KCNA1: variants seen among roughly 807,000 people sequenced by gnomAD.
The protein encoded by KCNA1 is potassium channel, voltage gated shaker related subfamily A, member 1.
In KCNA1, 19 loss-of-function variants were observed where a neutral mutation model predicts 28.8. The observed-to-expected ratio is 0.66, with a 90% CI of 0.46 to 0.97. The LOEUF is 0.97. KCNA1 is among the 50% of genes least tolerant of loss of function. The pLI, the probability that KCNA1 is intolerant of heterozygous loss-of-function variation, is 0.00. For synonymous variants in KCNA1, 311 were observed against 268.8 expected (o/e 1.16, Z -1.53); for missense variants, 419 against 659.7 (o/e 0.64, Z 4.00).
Position 4,912,356 on chromosome 12 carries a change from A to G in KCNA1, c.978A>G (p.Leu326=). The change falls in exon 2 of 2, where the codon CTA becomes CTG. Residue 326 remains leucine (L), a synonymous_variant. Transcript: ENST00000382545. ...CCCTCAAAGCTAGTATGAGAGAGCT[A>G]GGGCTGCTCATCTTTTTCCTCTTCA... ...GQTLKASMRE[L]GLLIFFLFIG... 1 of 1,613,926 alleles carries G rather than the reference A, an allele frequency of 6.2e-7. No individual in the cohort carries two copies. Among genetic ancestry groups the G allele is most frequent in the Non-Finnish European group, 8.5e-7 (1 of 1,179,998 alleles).
Position 4,909,964 on chromosome 12 carries a change from G to T in KCNA1, c.-1048G>T, listed in dbSNP as rs375367750. The T allele has an allele frequency of 6.5e-6, 1 of 152,710 alleles. No individual in the cohort carries two copies. The allele number at this position is 152,710 out of a possible 1,614,324, so 9.5% of individuals were successfully genotyped here. ...CCCTGCTCCACTCCAAGCTCCTAAGGGCTCCTGGCGCGCCGCGTAGCCTTG... is the reference window on the plus strand; with the variant it reads ...CCCTGCTCCACTCCAAGCTCCTAAGTGCTCCTGGCGCGCCGCGTAGCCTTG... On this transcript the variant is annotated 5_prime_UTR_variant, in exon 1 of 2. Transcript: ENST00000382545.
In KCNA1 at chr12:4,915,716, G is replaced by T. The variant is rs763945925; in HGVS notation, c.*2850G>T. The T allele has an allele frequency of 6.0e-6, 1 of 167,042 alleles. No individual in the cohort carries two copies. Among genetic ancestry groups the T allele is most frequent in the East Asian group, 1.9e-4 (1 of 5,202 alleles). 10.3% of individuals were successfully genotyped at this position (167,042 alleles called of 1,614,324 possible). On this transcript the variant is annotated 3_prime_UTR_variant, in exon 2 of 2. Transcript: ENST00000382545. The stretch of plus-strand genomic sequence containing the variant: ...GGTTATCTTGATCTTTCATTTCAAC[G>T]TTGAGGTCTAGTGCACACAGAACTT...
In KCNA1 at chr12:4,912,261, C is replaced by G. The variant is rs1366571577; in HGVS notation, c.883C>G (p.Arg295Gly). 1 of 1,612,756 alleles carries G rather than the reference C, an allele frequency of 6.2e-7. No individual in the cohort carries two copies. The highest frequency in any genetic ancestry group is 1.1e-5 in the South Asian group (1 of 90,952). ...CTCCCTGGCCATCCTCAGGGTCATC[C>G]GCTTGGTAAGGGTTTTTAGAATCTT... ...ATSLAILRVI[R>G]LVRVFRIFKL... Residue 295 changes from arginine (R) to glycine (G), a missense_variant, in exon 2 of 2, where the codon CGC becomes GGC. Arg to Gly is a moderately radical substitution (Grantham distance 125). Coordinates refer to ENST00000382545, the MANE Select transcript of KCNA1 (RefSeq NM_000217.3).
chr12:4,911,157 A>G lies in KCNA1; in HGVS notation c.-222A>G. On this transcript the variant is annotated 5_prime_UTR_variant, in exon 2 of 2. Coordinates refer to ENST00000382545, the MANE Select transcript of KCNA1 (RefSeq NM_000217.3). The surrounding 1 kb of genome is among the most constrained non-coding windows in gnomAD (Gnocchi z 6.6). Reference sequence around the variant, plus strand: ...AAAAGCTGCACCCGGCCCGCAGGCGAGGGGGATTCCAAACTGAGTGAAAGG... The same window carrying G: ...AAAAGCTGCACCCGGCCCGCAGGCGGGGGGGATTCCAAACTGAGTGAAAGG... 1 of 599,000 alleles carries G rather than the reference A, an allele frequency of 1.7e-6. No individual in the cohort carries two copies. The highest frequency in any genetic ancestry group is 2.8e-5 in the East Asian group (1 of 36,096). 37.1% of individuals were successfully genotyped at this position (599,000 alleles called of 1,614,324 possible). A position where few individuals can be genotyped will look rare whatever the true frequency, so the allele number is the denominator to read the frequency against.
At position 4,911,523 on chromosome 12, in the gene KCNA1, G is replaced by C. The variant is rs1384353122; in HGVS notation, c.145G>C (p.Glu49Gln). Residue 49 changes from glutamate (E) to glutamine (Q), a missense_variant, in exon 2 of 2, where the codon GAG (glutamate) becomes CAG (glutamine). This residue lies in a region of KCNA1 where 217 missense variants were observed against 329.6 expected (regional missense o/e 0.66). Transcript: ENST00000382545. The surrounding 1 kb of genome is among the most constrained non-coding windows in gnomAD (Gnocchi z 6.6). ...GATCAACATCTCCGGGCTGCGCTTC[G>C]AGACGCAGCTCAAGACCCTGGCGCA... Reference protein sequence around the residue: ...VVINISGLRFETQLKTLAQFP... With the variant: ...VVINISGLRFQTQLKTLAQFP... The C allele has an allele frequency of 3.1e-6, 5 of 1,614,056 alleles. No homozygotes were observed. Among genetic ancestry groups the C allele is most frequent in the Non-Finnish European group, 2.5e-6 (3 of 1,180,038 alleles).
rs1947385565 is a variant in KCNA1 at position 4,916,230 on chromosome 12, A to G, written c.*3364A>G. The G allele has an allele frequency of 6.0e-6, 1 of 167,074 alleles. No individual in the cohort carries two copies. The highest frequency in any genetic ancestry group is 6.5e-5 in the Admixed American group (1 of 15,290). 10.3% of individuals were successfully genotyped at this position (167,074 alleles called of 1,614,324 possible). A position where few individuals can be genotyped will look rare whatever the true frequency, so the allele number is the denominator to read the frequency against. On this transcript the variant is annotated 3_prime_UTR_variant, in exon 2 of 2. Coordinates refer to ENST00000382545, the MANE Select transcript of KCNA1 (RefSeq NM_000217.3). ...TTACCTTTTCTTCCCCTTCCTAGGC[A>G]TGGAGCTGTAACAGCTCATGTCCTG...
At position 4,916,293 on chromosome 12, in the gene KCNA1, T is replaced by C. The variant is rs1298480388; in HGVS notation, c.*3427T>C. The C allele has an allele frequency of 1.2e-5, 2 of 167,140 alleles. No homozygotes were observed. The highest frequency in any genetic ancestry group is 2.9e-5 in the Non-Finnish European group (2 of 68,136). The allele number at this position is 167,140 out of a possible 1,614,324, so 10.4% of individuals were successfully genotyped here. A position where few individuals can be genotyped will look rare whatever the true frequency, so the allele number is the denominator to read the frequency against. ...CTCCAGAAGGAGAAGACTTCTGATG[T>C]GCTGATAGCTATAATTCCTCTCTTC... On this transcript the variant is annotated 3_prime_UTR_variant, in exon 2 of 2. Transcript: ENST00000382545.
chr12:4,913,062 G>A lies in KCNA1; in HGVS notation c.*196G>A, dbSNP rs1032566799. 2 of 618,414 alleles carry A rather than the reference G, an allele frequency of 3.2e-6. No individual in the cohort carries two copies. Among genetic ancestry groups the A allele is most frequent in the African/African-American group, 3.7e-5 (2 of 53,836 alleles). The allele number at this position is 618,414 out of a possible 1,614,324, so 38.3% of individuals were successfully genotyped here. On this transcript the variant is annotated 3_prime_UTR_variant, in exon 2 of 2. Transcript: ENST00000382545. ...TGAACCAGAAGCTTTCAAGATCCATGACAAAATAAACTATTTTCCTTTTAT... is the reference window on the plus strand; with the variant it reads ...TGAACCAGAAGCTTTCAAGATCCATAACAAAATAAACTATTTTCCTTTTAT...
chr12:4,911,309 CCCCTGGT>C lies in KCNA1; in HGVS notation c.-63_-57del, dbSNP rs1947349441. The C allele has an allele frequency of 7.1e-7, 1 of 1,401,366 alleles. No individual in the cohort carries two copies. The highest frequency in any genetic ancestry group is 1.4e-5 in the African/African-American group (1 of 70,982). 86.8% of individuals were successfully genotyped at this position (1,401,366 alleles called of 1,614,324 possible). On this transcript the variant is annotated 5_prime_UTR_variant, in exon 2 of 2. Transcript: ENST00000382545. This position sits in a 1 kb window ranked among gnomAD's most constrained non-coding sequence, Gnocchi z 6.6. ...GGGGGGGCCGCTTGGGTCCCCCCCA[CCCCTGGT>C]CCCTGGCTGCTTCCCACCCCGGGCT... is the stretch of plus-strand genomic sequence containing the variant.
In KCNA1 at chr12:4,911,604, C is replaced by T; in HGVS notation, c.226C>T (p.Leu76=). ...PKKRMRYFDP[L]RNEYFFDRNR... ...GAAACGCATGCGCTACTTCGACCCC[C>T]TGAGGAACGAGTACTTCTTCGACCG... The change falls in exon 2 of 2, where the codon CTG becomes TTG. Residue 76 remains leucine, a synonymous_variant. Coordinates refer to ENST00000382545, the MANE Select transcript of KCNA1 (RefSeq NM_000217.3). The surrounding 1 kb of genome is among the most constrained non-coding windows in gnomAD (Gnocchi z 6.6). The T allele has an allele frequency of 6.2e-7, 1 of 1,614,218 alleles. No homozygotes were observed. Among genetic ancestry groups the T allele is most frequent in the East Asian group, 2.2e-5 (1 of 44,870 alleles).
Position 4,913,055 on chromosome 12 carries a change from G to A in KCNA1, c.*189G>A, listed in dbSNP as rs187069793. ...GGGGTGGTGAACCAGAAGCTTTCAA[G>A]ATCCATGACAAAATAAACTATTTTC... On this transcript the variant is annotated 3_prime_UTR_variant, in exon 2 of 2. Coordinates refer to ENST00000382545, the MANE Select transcript of KCNA1 (RefSeq NM_000217.3). The A allele has an allele frequency of 1.7e-3, 1,070 of 627,226 alleles. 27 individuals carry two copies. In the Admixed American group the frequency reaches 0.029, roughly 17 times the overall value. 38.9% of individuals were successfully genotyped at this position (627,226 alleles called of 1,614,324 possible).
rs1356792237 is a variant in KCNA1, at chr12:4,913,146, G to A, written c.*280G>A. 2 of 452,658 alleles carry A rather than the reference G, an allele frequency of 4.4e-6. No individual in the cohort carries two copies. The highest frequency in any genetic ancestry group is 2.3e-5 in the South Asian group (1 of 42,962). The allele number at this position is 452,658 out of a possible 1,614,324, so 28.0% of individuals were successfully genotyped here. On this transcript the variant is annotated 3_prime_UTR_variant, in exon 2 of 2. Coordinates refer to ENST00000382545, the MANE Select transcript of KCNA1 (RefSeq NM_000217.3). ...ACTGGCTTAAAAAGATTCAGTCCAC[G>A]AACTAGTCTAGGTAAAATAATAATC... is the stretch of plus-strand genomic sequence containing the variant.
In KCNA1 at chr12:4,911,798, G is replaced by T; in HGVS notation, c.420G>T (p.Glu140Asp). ...AGGACGAGGGCTTCATCAAGGAGGA[G>T]GAGCGCCCTCTGCCCGAGAAGGAGT... ...FREDEGFIKE[E>D]ERPLPEKEYQ... The change falls in exon 2 of 2, where the codon GAG (glutamate) becomes GAT (aspartate). Residue 140 changes from glutamate (E) to aspartate (D), a missense_variant. By Grantham distance (45) the Glu-to-Asp change is conservative (BLOSUM62 2). This residue lies in a region of KCNA1 where 217 missense variants were observed against 329.6 expected (regional missense o/e 0.66). Transcript: ENST00000382545. This position sits in a 1 kb window ranked among gnomAD's most constrained non-coding sequence, Gnocchi z 6.6. 1 of 1,613,996 alleles carries T rather than the reference G, an allele frequency of 6.2e-7. No homozygotes were observed.
rs2137672979 is a variant in KCNA1, at chr12:4,911,694, G to A, written c.316G>A (p.Val106Ile). Reference sequence around the variant, plus strand: ...GTCCGGCGGCCGCCTGCGGAGGCCGGTCAACGTGCCCCTGGACATGTTCTC... The same window carrying A: ...GTCCGGCGGCCGCCTGCGGAGGCCGATCAACGTGCCCCTGGACATGTTCTC... ...YQSGGRLRRP[V>I]NVPLDMFSEE... Residue 106 changes from valine (V) to isoleucine (I), a missense_variant, in exon 2 of 2, where the codon GTC (valine) becomes ATC (isoleucine). Around this residue, in one of 4 missense-constraint regions of KCNA1, gnomAD observed 217 missense variants for 329.6 expected, o/e 0.66. Transcript: ENST00000382545. This position sits in a 1 kb window ranked among gnomAD's most constrained non-coding sequence, Gnocchi z 6.6. 3.1e-6 allele frequency: 5 copies of A among 1,614,184 alleles called. No individual in the cohort carries two copies. Among genetic ancestry groups the A allele is most frequent in the South Asian group, 1.1e-5 (1 of 91,082 alleles).
rs1369691765 is a variant in KCNA1 at position 4,913,877 on chromosome 12, A to T, written c.*1011A>T. 6.0e-6 allele frequency: 1 copy of T among 167,018 alleles called. No individual in the cohort carries two copies. The highest frequency in any genetic ancestry group is 1.5e-5 in the Non-Finnish European group (1 of 68,118). 10.3% of individuals were successfully genotyped at this position (167,018 alleles called of 1,614,324 possible). On this transcript the variant is annotated 3_prime_UTR_variant, in exon 2 of 2. Transcript: ENST00000382545. ...CCAAAAGTGCACTCCTCCATTTATT[A>T]ACTATTTTATTAGTAAATAAAGTAC...
rs532360370 is a variant in KCNA1 at position 4,917,575 on chromosome 12, G to T, written c.*4709G>T. 4.2e-5 allele frequency: 7 copies of T among 167,186 alleles called. No individual in the cohort carries two copies. The highest frequency in any genetic ancestry group is 1.7e-4 in the African/African-American group (7 of 41,558). 10.4% of individuals were successfully genotyped at this position (167,186 alleles called of 1,614,324 possible). A position where few individuals can be genotyped will look rare whatever the true frequency, so the allele number is the denominator to read the frequency against. ...TTGGGAAGTCCAGCATGTATGTAAG[G>T]GGTGAGGCCCTGCTGACCTCAGGGC... On this transcript the variant is annotated 3_prime_UTR_variant, in exon 2 of 2. Coordinates refer to ENST00000382545, the MANE Select transcript of KCNA1 (RefSeq NM_000217.3).
In KCNA1 at chr12:4,913,850, C is replaced by G. The variant is rs1407601592; in HGVS notation, c.*984C>G. Reference sequence around the variant, plus strand: ...AAATAGATCCTTTTTCATTTGCATTCACCAAAAGTGCACTCCTCCATTTAT... The same window carrying G: ...AAATAGATCCTTTTTCATTTGCATTGACCAAAAGTGCACTCCTCCATTTAT... On this transcript the variant is annotated 3_prime_UTR_variant, in exon 2 of 2. Coordinates refer to ENST00000382545, the MANE Select transcript of KCNA1 (RefSeq NM_000217.3). The G allele has an allele frequency of 1.2e-5, 2 of 166,784 alleles. No homozygotes were observed. The highest frequency in any genetic ancestry group is 4.8e-5 in the African/African-American group (2 of 41,412). The allele number at this position is 166,784 out of a possible 1,614,324, so 10.3% of individuals were successfully genotyped here.
rs1443515431 is a variant in KCNA1 at position 4,917,817 on chromosome 12, A to G, written c.*4951A>G. The G allele has an allele frequency of 6.0e-6, 1 of 167,084 alleles. No individual in the cohort carries two copies. The highest frequency in any genetic ancestry group is 1.5e-5 in the Non-Finnish European group (1 of 68,124). The allele number at this position is 167,084 out of a possible 1,614,324, so 10.4% of individuals were successfully genotyped here. On this transcript the variant is annotated 3_prime_UTR_variant, in exon 2 of 2. Coordinates refer to ENST00000382545, the MANE Select transcript of KCNA1 (RefSeq NM_000217.3). ...GTTGTCTCCTCTCCAAACCTTGCAG[A>G]AGCACCTTTCTTCTCTTCAGCGCAC...
chr12:4,912,774 G>T lies in KCNA1; in HGVS notation c.1396G>T (p.Ala466Ser). ...EIEEDMNNSI[A>S]HYRQVNIRTA... ...CGAAGAGGATATGAATAATAGCATA[G>T]CCCATTATAGACAGGTCAATATCAG... The change falls in exon 2 of 2, where the codon GCC becomes TCC. Residue 466 changes from alanine (A) to serine (S), a missense_variant. Transcript: ENST00000382545. The T allele has an allele frequency of 6.2e-7, 1 of 1,613,946 alleles. No individual in the cohort carries two copies. Among genetic ancestry groups the T allele is most frequent in the Non-Finnish European group, 8.5e-7 (1 of 1,179,894 alleles).
Sources: allele counts gnomAD v4.1 joint callset, GRCh38; gene constraint gnomAD v4.1.1; regional missense constraint gnomAD v4.1.1; non-coding constraint Gnocchi (gnomAD v3.1); transcripts MANE v1.5; gene names NCBI Gene and HGNC (gene_info 2026-07-23, HGNC 2026-07-21).